COPG2: variants seen among roughly 807,000 people sequenced by gnomAD.
The protein encoded by COPG2 is coat protein complex I subunit gamma 2.
Under a neutral mutation model 46.3 loss-of-function variants are expected in COPG2, and 37 were observed. The observed-to-expected ratio is 0.80, with a 90% CI of 0.61 to 1.05. The LOEUF (loss-of-function observed/expected upper bound fraction) is 1.05. COPG2 is among the 50% of genes least tolerant of loss of function. The pLI, the probability that COPG2 is intolerant of heterozygous loss-of-function variation, is 0.00. For missense variants in COPG2, 427 were observed against 387.8 expected, an observed-to-expected ratio of 1.10 and a Z score of -0.85; for synonymous variants, 159 against 129.7, an observed-to-expected ratio of 1.23 and a Z score of -1.53.
chr7:130,579,278 CTT>C (rs1404041458), intron 9 of COPG2, among the ~76,000 whole-genome samples: 10 of 148,184 alleles, frequency 6.7e-5, no homozygotes, highest in Non-Finnish European at 1.2e-4. Context: ...AAATAAAATA[CTT>C]TACAGACAAG....
intron 20 of COPG2, among the ~76,000 whole-genome samples, chr7:130,525,180 G>A (rs1223913786): frequency 2.0e-5 from 3 of 152,270 alleles, no homozygotes; most frequent in South Asian, 2.1e-4. Flanking sequence ...GGGACTGAAA[G>A]CATTTAACAG....
intron 20 of COPG2, chr7:130,511,378 T>C (rs1440587673): frequency 1.9e-6 from 1 of 518,984 alleles, no homozygotes; most frequent in Non-Finnish European, 3.9e-6. Context: ...TGAGAAGCAA[T>C]GGGTGCAGCA....
chr7:130,534,308 G>A (rs1273748530), intron 20 of COPG2, among the ~76,000 whole-genome samples: 2 of 152,146 alleles, frequency 1.3e-5, no homozygotes, highest in African/African-American at 2.4e-5. Flanking sequence ...CTTGGTGATG[G>A]ACTCATATCG....
intron 9 of COPG2, among the ~76,000 whole-genome samples, chr7:130,565,913 A>G (rs1793794960): frequency 6.6e-6 from 1 of 152,288 alleles, no homozygotes; most frequent in African/African-American, 2.4e-5. Flanking sequence ...AAAAAGAAGG[A>G]AGAAAAATGA....
Position 130,506,338 on chromosome 7 carries a change from T to C in COPG2, c.*338A>G, listed in dbSNP as rs1262210692. The stretch of plus-strand genomic sequence containing the variant: ...CCCCCTCCCCCCCACCCCTCTGGGA[T>C]AAAAATTTTCCAGCATTGCCAGGAG... On this transcript the variant is annotated 3_prime_UTR_variant, in exon 24 of 24. Transcript: ENST00000425248. 4 of 88,518 alleles carry C rather than the reference T, an allele frequency of 4.5e-5. No individual in the cohort carries two copies. Among genetic ancestry groups the C allele is most frequent in the African/African-American group, 1.9e-4 (4 of 21,592 alleles). The allele number at this position is 88,518 out of a possible 1,614,324, so 5.5% of individuals were successfully genotyped here. A position where few individuals can be genotyped will look rare whatever the true frequency, so the allele number is the denominator to read the frequency against.
chr7:130,565,699 C>T (rs913637769), intron 9 of COPG2, among the ~76,000 whole-genome samples: 76 of 151,578 alleles, frequency 5.0e-4, no homozygotes, highest in African/African-American at 1.8e-3. Flanking sequence ...AAGGGAAGTA[C>T]AACAAGATGT....
At chr7:130,600,790 C>T (rs1041802239) in intron 9 of COPG2, among the ~76,000 whole-genome samples, 3 of 152,128 alleles carry the variant, frequency 2.0e-5, no homozygotes, top group Non-Finnish European at 2.9e-5. Flanking sequence ...AATTCAATTA[C>T]ATTCATTATG....
chr7:130,569,048 A>C (rs1793851705), intron 9 of COPG2, among the ~76,000 whole-genome samples: 1 of 152,176 alleles, frequency 6.6e-6, no homozygotes, highest in African/African-American at 2.4e-5. Flanking sequence ...GAGATACAGC[A>C]AAAAAGGTGC....
intron 9 of COPG2, among the ~76,000 whole-genome samples, chr7:130,606,859 A>T (rs914620966): frequency 1.4e-4 from 22 of 152,178 alleles, no homozygotes; most frequent in African/African-American, 5.1e-4. Context: ...GAATCCTGAC[A>T]GAGTATTTTT....
At chr7:130,540,395 G>T (rs1799924618) in intron 20 of COPG2, among the ~76,000 whole-genome samples, 1 of 151,866 alleles carries the variant, frequency 6.6e-6, no homozygotes, top group Non-Finnish European at 1.5e-5. Flanking sequence ...TCTTGTAAGG[G>T]ATCTGAAAAA....
intron 6 of COPG2, among the ~76,000 whole-genome samples, chr7:130,615,035 G>T (rs1449467080): frequency 9.2e-5 from 14 of 152,210 alleles, no homozygotes. Context: ...AGGAAGACTT[G>T]TTGTTCTTGG....
Position 130,652,893 on chromosome 7 carries a change from T to G in COPG2, c.299A>C (p.Glu100Ala). The change falls in exon 5 of 24, where the codon GAG becomes GCG. Residue 100 changes from glutamate to alanine, a missense_variant. By Grantham distance (107) the Glu-to-Ala change is moderately radical (BLOSUM62 -1). Coordinates refer to ENST00000425248, the MANE Select transcript of COPG2 (RefSeq NM_012133.6). ...CCTGCTTGTGACAATTATCACATCCTCAGAGATGGTAGCCATTTCTTTGAT... is the reference window on the plus strand; with the variant it reads ...CCTGCTTGTGACAATTATCACATCCGCAGAGATGGTAGCCATTTCTTTGAT... ...LTIKEMATIS[E>A]DVIIVTSSLT... 10 of 1,606,368 alleles carry G rather than the reference T, an allele frequency of 6.2e-6. No homozygotes were observed. The highest frequency in any genetic ancestry group is 6.0e-6 in the Non-Finnish European group (7 of 1,175,300).
At chr7:130,628,848 C>G (rs1457052817) in intron 5 of COPG2, among the ~76,000 whole-genome samples, 3 of 152,060 alleles carry the variant, frequency 2.0e-5, no homozygotes, top group Non-Finnish European at 4.4e-5. Context: ...AGTTCAAGAC[C>G]AGTCTGAGCA....
intron 20 of COPG2, chr7:130,511,362 C>A: frequency 3.9e-6 from 2 of 516,510 alleles, no homozygotes; most frequent in South Asian, 1.4e-5. Flanking sequence ...CAGGTCTGGA[C>A]TGAACTGAGA....
chr7:130,668,595 C>G (rs1554461941), intron 1 of COPG2, 37 bp downstream of exon 1: 1 of 1,500,958 alleles, frequency 6.7e-7, no homozygotes, highest in Non-Finnish European at 8.9e-7. Flanking sequence ...AGGGGCGTCC[C>G]GCGGCTGAGG....
intron 4 of COPG2, among the ~76,000 whole-genome samples, chr7:130,657,175 G>A (rs978103615): frequency 6.6e-6 from 1 of 151,942 alleles, no homozygotes; most frequent in South Asian, 2.1e-4. Flanking sequence ...AGGTCAATGA[G>A]ACAAAATAAT....
chr7:130,625,785 C>T (rs1261403129), intron 5 of COPG2, among the ~76,000 whole-genome samples: 1 of 150,870 alleles, frequency 6.6e-6, no homozygotes, highest in Non-Finnish European at 1.5e-5. Context: ...TCATTAATTT[C>T]TGTTTTTATC....
intron 10 of COPG2, among the ~76,000 whole-genome samples, chr7:130,563,919 C>T (rs1248558109): frequency 4.6e-5 from 7 of 151,720 alleles, no homozygotes; most frequent in African/African-American, 1.4e-4. Context: ...AACAAATGGG[C>T]TTTTTAAACA....
intron 2 of COPG2, among the ~76,000 whole-genome samples, 162 bp downstream of exon 2, chr7:130,667,320 T>G (rs1047111029): frequency 3.9e-5 from 6 of 152,268 alleles, no homozygotes; most frequent in Non-Finnish European, 7.3e-5. Context: ...CAAATTCTCC[T>G]GTGACAAGTA....
Sources: gnomAD v4.1 joint callset for allele counts (sites outside exome capture counted in the v4.1 genomes callset) on GRCh38, gnomAD v4.1.1 for gene constraint, MANE v1.5 for transcripts, NCBI Gene and HGNC (gene_info 2026-07-23, HGNC 2026-07-21) for gene names.